The following NDST1 variants were observed in gnomAD, a reference collection of about 807,000 sequenced individuals.
NDST1 encodes the protein bifunctional heparan sulfate N-deacetylase/N-sulfotransferase 1.
Under a neutral mutation model 92.8 loss-of-function variants are expected in NDST1, and 35 were observed. The ratio of observed to expected loss-of-function variants is 0.38; its 90% CI spans 0.29 to 0.50. The LOEUF (loss-of-function observed/expected upper bound fraction) is 0.50, where lower values mean the gene tolerates loss of function less well. Ranked by LOEUF, NDST1 falls within the 20% of genes least tolerant of loss-of-function variation. The pLI, the probability that NDST1 is intolerant of heterozygous loss-of-function variation, is 0.94. For synonymous variants in NDST1, 493 were observed against 500.3 expected (o/e 0.99, Z 0.19); for missense variants, 822 against 1,182.7 (o/e 0.69, Z 4.47).
chr5:150,507,716 T>A (rs1245020255), upstream of NDST1: 1 of 152,528 alleles, frequency 6.6e-6, no homozygotes, highest in Non-Finnish European at 1.5e-5. Context: ...AACTGAGGTC[T>A]GGAGGGGGAA....
intron 12 of NDST1, 82 bp downstream of exon 12, chr5:150,548,470 A>C (rs1581410392): frequency 4.1e-4 from 607 of 1,486,658 alleles, no homozygotes; most frequent in Non-Finnish European, 5.1e-4. Context: ...ACTCTTTCTC[A>C]CCAGCCGTGG....
At chr5:150,543,777 G>GTCTT (rs1251158159) in intron 10 of NDST1, among the ~76,000 whole-genome samples, 2 of 150,806 alleles carry the variant, frequency 1.3e-5, no homozygotes, top group East Asian at 3.9e-4. Flanking sequence ...TGGGCCTTCT[G>GTCTT]TCTTTCTTTT....
chr5:150,546,960 T>G (rs1178551044), intron 11 of NDST1, among the ~76,000 whole-genome samples: 1 of 152,176 alleles, frequency 6.6e-6, no homozygotes, highest in African/African-American at 2.4e-5. Context: ...GTGCAGGGAA[T>G]GGGCAGTCTG....
At chr5:150,513,217 A>T (rs1253231995) in intron 1 of NDST1, among the ~76,000 whole-genome samples, 1 of 151,928 alleles carries the variant, frequency 6.6e-6, no homozygotes, top group Admixed American at 6.6e-5. Context: ...TATGCTGGGC[A>T]CAGTGGCTCA....
At chr5:150,532,809 G>T in intron 3 of NDST1, 136 bp from the exon 4 acceptor site, 2 of 853,926 alleles carry the variant, frequency 2.3e-6, no homozygotes, top group South Asian at 1.3e-5. Context: ...TTACAGGCAT[G>T]AGCCACCACG....
intron 1 of NDST1, among the ~76,000 whole-genome samples, chr5:150,517,973 A>G (rs1214402822): frequency 1.3e-5 from 2 of 152,210 alleles, no homozygotes; most frequent in African/African-American, 4.8e-5. Flanking sequence ...GGCTGCGGCC[A>G]CAGGCTGCCC....
chr5:150,529,020 G>C (rs1217591310), intron 3 of NDST1, among the ~76,000 whole-genome samples: 1 of 152,094 alleles, frequency 6.6e-6, no homozygotes. Context: ...TTAAAATAAG[G>C]ATGAGAGCTT....
intron 1 of NDST1, among the ~76,000 whole-genome samples, chr5:150,502,081 A>G (rs1753256793): frequency 6.6e-6 from 1 of 152,186 alleles, no homozygotes; most frequent in African/African-American, 2.4e-5. Context: ...CCTCTTGGCC[A>G]TGGGGAGGAC....
At position 150,521,462 on chromosome 5, in the gene NDST1, C is replaced by T. The variant is rs758451428; in HGVS notation, c.208C>T (p.Leu70Phe). Residue 70 changes from leucine to phenylalanine, a missense_variant, in exon 2 of 15, where the codon CTC becomes TTC. Coordinates refer to ENST00000261797, the MANE Select transcript of NDST1 (RefSeq NM_001543.5). This position sits in a 1 kb window ranked among gnomAD's most constrained non-coding sequence, Gnocchi z 5.9. Reference sequence around the variant, plus strand: ...TGTGGCCCCCAGTCGCCTGCTGCCACTCAAGCCTGTGCAGGCAGCCACCCC... The same window carrying T: ...TGTGGCCCCCAGTCGCCTGCTGCCATTCAAGCCTGTGCAGGCAGCCACCCC... ...PPVAPSRLLP[L>F]KPVQAATPSR... is the part of the protein sequence containing the mutation. 1.9e-6 allele frequency: 3 copies of T among 1,613,680 alleles called. No homozygotes were observed. Among genetic ancestry groups the T allele is most frequent in the South Asian group, 2.2e-5 (2 of 91,096 alleles).
chr5:150,529,670 G>C (rs946531848), intron 3 of NDST1, among the ~76,000 whole-genome samples: 5 of 152,202 alleles, frequency 3.3e-5, no homozygotes, highest in African/African-American at 4.8e-5. Context: ...AAAACAGGGG[G>C]ATTAAATTCT....
chr5:150,504,372 C>T (rs1753359973), upstream of NDST1, among the ~76,000 whole-genome samples: 1 of 152,194 alleles, frequency 6.6e-6, no homozygotes, highest in South Asian at 2.1e-4. Context: ...ACAAGGCCGC[C>T]TCCCTCATAT....
chr5:150,501,616 G>A (rs1753236290), intron 1 of NDST1, among the ~76,000 whole-genome samples: 1 of 152,150 alleles, frequency 6.6e-6, no homozygotes, highest in Non-Finnish European at 1.5e-5. Flanking sequence ...TTCAGATGAG[G>A]GAGACAATAG....
At chr5:150,520,592 C>T (rs529607281) in intron 1 of NDST1, among the ~76,000 whole-genome samples, 1 of 152,294 alleles carries the variant, frequency 6.6e-6, no homozygotes, top group Non-Finnish European at 1.5e-5. Flanking sequence ...TTGTAGATAC[C>T]ATATGCTAGG....
Position 150,542,964 on chromosome 5 carries a change from A to G in NDST1, c.1963A>G (p.Ile655Val). The G allele has an allele frequency of 6.2e-7, 1 of 1,613,976 alleles. No individual in the cohort carries two copies. Among genetic ancestry groups the G allele is most frequent in the South Asian group, 1.1e-5 (1 of 91,080 alleles). The change falls in exon 10 of 15, where the codon ATC becomes GTC. Residue 655 changes from isoleucine to valine, a missense_variant. Coordinates refer to ENST00000261797, the MANE Select transcript of NDST1 (RefSeq NM_001543.5). ...FFNGHNYHKG[I>V]DWYMEFFPIP... ...TAATGGCCACAACTATCACAAAGGCATCGACTGGTGAGTTGGCCTTTCTGT... is the reference window on the plus strand; with the variant it reads ...TAATGGCCACAACTATCACAAAGGCGTCGACTGGTGAGTTGGCCTTTCTGT...
intron 1 of NDST1, among the ~76,000 whole-genome samples, chr5:150,515,764 T>G (rs1197105838): frequency 6.6e-6 from 1 of 152,130 alleles, no homozygotes; most frequent in East Asian, 1.9e-4. Context: ...CCTTGAGGCC[T>G]TGGTGGCTGC....
chr5:150,527,687 T>G (rs1754535292), intron 2 of NDST1, 117 bp from the exon 3 acceptor site: 1 of 1,477,890 alleles, frequency 6.8e-7, no homozygotes, highest in Non-Finnish European at 9.2e-7. Context: ...TGGTGAGCCC[T>G]CCATGAATGT....
chr5:150,552,709 A>C, intron 14 of NDST1: 1 of 206,070 alleles, frequency 4.9e-6, no homozygotes, highest in South Asian at 8.3e-5. Context: ...CCCTATCAGA[A>C]GAATTTTGAC....
At chr5:150,518,294 C>T (rs1021093225) in intron 1 of NDST1, among the ~76,000 whole-genome samples, 2 of 152,110 alleles carry the variant, frequency 1.3e-5, no homozygotes, top group Admixed American at 1.3e-4. Flanking sequence ...TCCCAAACCC[C>T]CATCCCATCC....
chr5:150,503,608 A>T (rs1753324315), upstream of NDST1, among the ~76,000 whole-genome samples: 1 of 152,204 alleles, frequency 6.6e-6, no homozygotes, highest in African/African-American at 2.4e-5. Flanking sequence ...GAATAGGAGC[A>T]TGCCAGGCAT....
Sources: gnomAD v4.1 joint callset for allele counts (sites outside exome capture counted in the v4.1 genomes callset) on GRCh38, gnomAD v4.1.1 for gene constraint, Gnocchi (gnomAD v3.1) non-coding constraint, MANE v1.5 for transcripts, NCBI Gene and HGNC (gene_info 2026-07-23, HGNC 2026-07-21) for gene names.